The following CHKA variants were observed in gnomAD, a reference collection of about 807,000 sequenced individuals.
CHKA encodes the protein CHETK-alpha.
Under a neutral mutation model 60.1 loss-of-function variants are expected in CHKA, and 34 were observed. The ratio of observed to expected loss-of-function variants is 0.57; its 90% confidence interval spans 0.43 to 0.75. CHKA has a LOEUF of 0.75. CHKA is among the 30% of genes least tolerant of loss of function. The probability of loss-of-function intolerance (pLI) is 0.00; values close to 1 mark genes in which losing one functional copy is unlikely to be tolerated. For missense variants in CHKA, 563 were observed against 561.3 expected, an observed-to-expected ratio of 1.00 and a Z score of -0.03; for synonymous variants, 217 against 223.1, an observed-to-expected ratio of 0.97 and a Z score of 0.24.
intron 11 of CHKA, 26 bp downstream of exon 11, chr11:68,061,927 A>G (rs1225006891): frequency 4.0e-6 from 6 of 1,512,262 alleles, no homozygotes; most frequent in Non-Finnish European, 5.4e-6. Context: ...AAGAAAAAAA[A>G]AAACAAAAAC....
At chr11:68,065,475 G>A (rs1199705024) in intron 9 of CHKA, among the ~76,000 whole-genome samples, 1 of 152,178 alleles carries the variant, frequency 6.6e-6, no homozygotes, top group Non-Finnish European at 1.5e-5. Flanking sequence ...TGAGGCAGGA[G>A]GATCACTTGA....
intron 1 of CHKA, among the ~76,000 whole-genome samples, chr11:68,112,231 T>C (rs2153031128): frequency 6.6e-6 from 1 of 152,144 alleles, no homozygotes; most frequent in East Asian, 1.9e-4. Context: ...CTAGATGACC[T>C]TAGGTATGGT....
At chr11:68,110,291 T>C (rs1858084117) in intron 1 of CHKA, among the ~76,000 whole-genome samples, 1 of 152,060 alleles carries the variant, frequency 6.6e-6, no homozygotes, top group Non-Finnish European at 1.5e-5. Flanking sequence ...AAATTAAAAG[T>C]ATACAGATTA....
rs185636134 is a variant in CHKA, at chr11:68,121,319, G to A, written c.-142C>T. The stretch of plus-strand genomic sequence containing the variant: ...GCGGCGGTTGGGCGCGCGGGGCGGC[G>A]GCGGCGGCTGCGGCGACTGCGGCGA... On this transcript the variant is annotated 5_prime_UTR_variant, in exon 1 of 12. Coordinates refer to ENST00000265689, the MANE Select transcript of CHKA (RefSeq NM_001277.3). The A allele has an allele frequency of 2.2e-5, 7 of 319,072 alleles. No homozygotes were observed. Among genetic ancestry groups the A allele is most frequent in the African/African-American group, 1.7e-4 (6 of 35,388 alleles). 19.8% of individuals were successfully genotyped at this position (319,072 alleles called of 1,614,324 possible). A position where few individuals can be genotyped will look rare whatever the true frequency, so the allele number is the denominator to read the frequency against.
chr11:68,086,765 A>C (rs1247237859), intron 2 of CHKA, among the ~76,000 whole-genome samples: 3 of 152,244 alleles, frequency 2.0e-5, no homozygotes, highest in African/African-American at 7.2e-5. Context: ...AGATGGGCGG[A>C]TCACGAGGTC....
At position 68,095,733 on chromosome 11, in the gene CHKA, A is replaced by AAAC. The variant is rs1555011705; in HGVS notation, c.462+1285_462+1286insGTT. On this transcript the variant is annotated intron_variant, in intron 2 of 11. Transcript: ENST00000265689. ...CAAAAAAAAAAAAAAAAAAAAAAAA[A>AAAC]ACAACAGGTATCAAAATCCTACCAC... 9.2e-4 allele frequency among the ~76,000 whole-genome samples: 123 copies of AAAC among 133,518 alleles called. 13 individuals are homozygous for AAAC. Among genetic ancestry groups the AAAC allele is most frequent in the African/African-American group, 3.5e-3 (118 of 33,646 alleles). The allele number at this position is 133,518 out of a possible 152,430, so 87.6% of individuals were successfully genotyped here. A position where few individuals can be genotyped will look rare whatever the true frequency, so the allele number is the denominator to read the frequency against.
At chr11:68,093,596 C>A (rs1052635361) in intron 2 of CHKA, among the ~76,000 whole-genome samples, 2 of 152,164 alleles carry the variant, frequency 1.3e-5, no homozygotes, top group Non-Finnish European at 2.9e-5. Context: ...TCTGTTCAAA[C>A]AAATTTTATT....
chr11:68,074,925 A>G (rs1028063661), intron 3 of CHKA, 95 bp from the exon 4 acceptor site: 1 of 1,082,722 alleles, frequency 9.2e-7, no homozygotes. Context: ...TCTGATCCTC[A>G]TGAGTATTCT....
At chr11:68,060,937 C>T (rs1387972347) in intron 11 of CHKA, among the ~76,000 whole-genome samples, 2 of 152,096 alleles carry the variant, frequency 1.3e-5, no homozygotes, top group Non-Finnish European at 2.9e-5. Flanking sequence ...TCAAAATGAA[C>T]TAGTCCCATC....
At chr11:68,113,295 G>T (rs577989731) in intron 1 of CHKA, among the ~76,000 whole-genome samples, 9 of 151,714 alleles carry the variant, frequency 5.9e-5, no homozygotes, top group African/African-American at 2.2e-4. Context: ...AAAATAAAAA[G>T]GAAAAAGAAA....
Position 68,121,220 on chromosome 11 carries a change from G to C in CHKA, c.-43C>G. 8.8e-7 allele frequency: 1 copy of C among 1,137,446 alleles called. No homozygotes were observed. Among genetic ancestry groups the C allele is most frequent in the Non-Finnish European group, 1.1e-6 (1 of 927,740 alleles). The allele number at this position is 1,137,446 out of a possible 1,614,324, so 70.5% of individuals were successfully genotyped here. A position where few individuals can be genotyped will look rare whatever the true frequency, so the allele number is the denominator to read the frequency against. On this transcript the variant is annotated 5_prime_UTR_variant, in exon 1 of 12. Coordinates refer to ENST00000265689, the MANE Select transcript of CHKA (RefSeq NM_001277.3). ...GGAGGCGCGGGCGGCCGCAGCGCGAGAGGACTAGGCTCAGAGTCCGGCCGG... is the reference window on the plus strand; with the variant it reads ...GGAGGCGCGGGCGGCCGCAGCGCGACAGGACTAGGCTCAGAGTCCGGCCGG...
At chr11:68,100,146 G>A (rs1857654824) in intron 1 of CHKA, among the ~76,000 whole-genome samples, 1 of 152,150 alleles carries the variant, frequency 6.6e-6, no homozygotes, top group South Asian at 2.1e-4. Flanking sequence ...GCCAGAAATG[G>A]TAGCAAAAAT....
chr11:68,117,030 C>T lies in CHKA; in HGVS notation c.350+3798G>A, dbSNP rs549929488. 2.9e-4 allele frequency among the ~76,000 whole-genome samples: 44 copies of T among 152,116 alleles called. 1 individual carries two copies. Among genetic ancestry groups the T allele is most frequent in the Admixed American group, 3.3e-4 (5 of 15,268 alleles). On this transcript the variant is annotated intron_variant, in intron 1 of 11. Transcript: ENST00000265689. ...CTAGTGCTGGAGATACAAAGATGAA[C>T]GTGAAATGCCCTCTAGGAATTCAAT...
intron 2 of CHKA, among the ~76,000 whole-genome samples, chr11:68,083,889 C>T (rs1020473926): frequency 1.3e-5 from 2 of 152,086 alleles, no homozygotes; most frequent in Admixed American, 1.3e-4. Context: ...AAATCTCAAA[C>T]CAAGTGTATA....
intron 11 of CHKA, among the ~76,000 whole-genome samples, chr11:68,054,459 A>C (rs1160875875): frequency 6.6e-6 from 1 of 152,162 alleles, no homozygotes; most frequent in Non-Finnish European, 1.5e-5. Flanking sequence ...AGAAGGGGAG[A>C]AGAGGATGCC....
rs1432825933 is a variant in CHKA at position 68,097,077 on chromosome 11, G to A, written c.404C>T (p.Thr135Ile). The stretch of plus-strand genomic sequence containing the variant: ...CACTTTCCGAGGCTCATCACCAAGG[G>A]TGGCTGTGGTGTCAGGTAGGGAGCA... ...FQCSLPDTTA[T>I]LGDEPRKVLL... Residue 135 changes from threonine to isoleucine, a missense_variant, in exon 2 of 12, where the codon ACC becomes ATC. Thr to Ile is a moderately conservative substitution (Grantham distance 89, BLOSUM62 -1). Coordinates refer to ENST00000265689, the MANE Select transcript of CHKA (RefSeq NM_001277.3). The A allele has an allele frequency of 6.8e-6, 11 of 1,613,532 alleles. No homozygotes were observed. Among genetic ancestry groups the A allele is most frequent in the South Asian group, 1.1e-5 (1 of 90,922 alleles).
chr11:68,102,495 C>T (rs916509297), intron 1 of CHKA, among the ~76,000 whole-genome samples: 10 of 152,140 alleles, frequency 6.6e-5, no homozygotes, highest in Non-Finnish European at 1.3e-4. Flanking sequence ...AACTGGATAT[C>T]GCACGCACAA....
At chr11:68,117,602 G>A (rs544540284) in intron 1 of CHKA, among the ~76,000 whole-genome samples, 3 of 152,156 alleles carry the variant, frequency 2.0e-5, no homozygotes, top group East Asian at 3.9e-4. Context: ...CACAAGAATC[G>A]CTCGAACCCA....
intron 2 of CHKA, among the ~76,000 whole-genome samples, chr11:68,083,356 G>C (rs1482959296): frequency 6.6e-6 from 1 of 152,082 alleles, no homozygotes; most frequent in East Asian, 1.9e-4. Context: ...TTTCTCCAAA[G>C]AAACTTAAGA....
Sources: allele counts gnomAD v4.1 joint callset (sites outside exome capture counted in the v4.1 genomes callset), GRCh38; gene constraint gnomAD v4.1.1; transcripts MANE v1.5; gene names NCBI Gene and HGNC (gene_info 2026-07-23, HGNC 2026-07-21).